Variants in PAK3 observed in about 807,000 individuals in gnomAD.
PAK3 encodes serine/threonine-protein kinase PAK 3.
A neutral mutation model predicts 41.0 loss-of-function variants in PAK3; 4 were observed. That is an observed-to-expected ratio of 0.10 (90% CI 0.05 to 0.22). The LOEUF is 0.22. PAK3 is among the 10% of genes least tolerant of loss of function. PAK3 has a pLI of 1.00. For missense variants in PAK3, 205 were observed against 409.9 expected, an observed-to-expected ratio of 0.50 and a Z score of 4.32; for synonymous variants, 146 against 139.6, an observed-to-expected ratio of 1.05 and a Z score of -0.32.
At chrX:111,016,565 C>T (rs914842379) in intron 1 of PAK3, among the ~76,000 whole-genome samples, 17 of 110,851 alleles carry the variant, frequency 1.5e-4, no homozygotes, top group African/African-American at 4.3e-4. Flanking sequence ...ATTTGTTTTG[C>T]GACCAGGAAG....
In PAK3 at chrX:111,057,524, C is replaced by T. The variant is rs925407739; in HGVS notation, c.-27-65553C>T. 4.5e-5 allele frequency among the ~76,000 whole-genome samples: 5 copies of T among 111,743 alleles called. No homozygotes were observed. In the Admixed American group the frequency reaches 4.7e-4, roughly 11 times the overall value. On this transcript the variant is annotated intron_variant, in intron 1 of 14. Coordinates refer to the PAK3 transcript ENST00000425146. ...CAGTTATTTTCACACAATATCTTAT[C>T]ATACCTACAAAAATTAACAATAATT...
chrX:111,087,952 A>G (rs1467812916), intron 1 of PAK3, among the ~76,000 whole-genome samples: 1 of 109,618 alleles, frequency 9.1e-6, no homozygotes, highest in Non-Finnish European at 1.9e-5. Context: ...GAATAACCAC[A>G]AGCCTGTGGA....
At chrX:110,962,639 G>T (rs186410371) in intron 1 of PAK3, among the ~76,000 whole-genome samples, 2 of 112,396 alleles carry the variant, frequency 1.8e-5, no homozygotes, top group African/African-American at 6.5e-5. Context: ...AGTGAAGTTG[G>T]GGGCAGCAGG....
chrX:111,189,501 C>T (rs1274163862), intron 11 of PAK3, among the ~76,000 whole-genome samples: 1 of 111,988 alleles, frequency 8.9e-6, no homozygotes, highest in African/African-American at 3.2e-5. Context: ...ACTCTCCAAA[C>T]TGCTTTCCAC....
At chrX:110,955,737 C>T (rs889934477) in intron 1 of PAK3, among the ~76,000 whole-genome samples, 6 of 112,253 alleles carry the variant, frequency 5.3e-5, no homozygotes, top group Non-Finnish European at 9.4e-5. Context: ...CACTTTGCCT[C>T]TTTAGGCCTC....
At position 110,980,439 on chromosome X, in the gene PAK3, C is replaced by T. The variant is rs190734328; in HGVS notation, c.-28+35811C>T. 5.5e-3 allele frequency among the ~76,000 whole-genome samples: 616 copies of T among 111,520 alleles called. 2 individuals are homozygous for T. Among genetic ancestry groups the T allele is most frequent in the Non-Finnish European group, 6.4e-3 (342 of 53,097 alleles). ...TGCATGACAACAGTTTGGGACCCAA[C>T]GGAGTAGTTCATTTTAAGGTCCATT... is the stretch of plus-strand genomic sequence containing the variant. On this transcript the variant is annotated intron_variant, in intron 1 of 14. Coordinates refer to the PAK3 transcript ENST00000425146.
intron 10 of PAK3, among the ~76,000 whole-genome samples, chrX:111,172,269 C>T (rs188026850): frequency 5.3e-4 from 59 of 111,957 alleles, no homozygotes; most frequent in African/African-American, 1.8e-3. Flanking sequence ...CCATTCTGAT[C>T]GGTCTGTAGT....
intron 1 of PAK3, among the ~76,000 whole-genome samples, chrX:111,028,001 G>GTGTGTGTGTGTATATATATACATATATA (rs780630460): frequency 1.0e-5 from 1 of 96,199 alleles, no homozygotes; most frequent in Non-Finnish European, 2.0e-5. Context: ...ATATGTGTGT[G>GTGTGTGTGTGTATATATATACATATATA]TGTGTATATA....
At chrX:111,039,846 G>T (rs964348065) in intron 1 of PAK3, among the ~76,000 whole-genome samples, 1 of 109,613 alleles carries the variant, frequency 9.1e-6, no homozygotes, top group Non-Finnish European at 1.9e-5. Flanking sequence ...AGAGGCCCAA[G>T]CTCAGAAGGG....
At chrX:111,002,373 G>A (rs931786706) in intron 1 of PAK3, among the ~76,000 whole-genome samples, 5 of 111,750 alleles carry the variant, frequency 4.5e-5, no homozygotes, top group African/African-American at 9.8e-5. Context: ...GTGTCCTTAC[G>A]TCTGTGCTAC....
Position 111,162,968 on chromosome X carries a change from A to G in PAK3, c.522A>G (p.Glu174=), listed in dbSNP as rs1054205122. The part of the protein sequence containing the change: ...PPLAPPVSEE[E]DEEEEEEEDE... ...TGGCCCCTCCTGTGTCTGAAGAAGA[A>G]GATGAAGAGGAAGAAGAAGAAGAAG... Residue 174 remains glutamate (E), a synonymous_variant, in exon 9 of 18, where the codon GAA becomes GAG. Coordinates refer to ENST00000372007, the MANE Select transcript of PAK3 (RefSeq NM_002578.5). 1 of 1,202,693 alleles carries G rather than the reference A, an allele frequency of 8.3e-7. No homozygotes were observed. The highest frequency in any genetic ancestry group is 1.8e-5 in the African/African-American group (1 of 56,999).
intron 11 of PAK3, among the ~76,000 whole-genome samples, chrX:111,187,151 A>G (rs1053326994): frequency 2.7e-5 from 3 of 112,377 alleles, no homozygotes; most frequent in African/African-American, 9.7e-5. Context: ...TTTAATCATC[A>G]TGTGATATCC....
chrX:111,215,301 G>A (rs958621052), intron 16 of PAK3, among the ~76,000 whole-genome samples: 2 of 111,651 alleles, frequency 1.8e-5, no homozygotes, highest in African/African-American at 6.5e-5. Context: ...GCTCACACCT[G>A]TAATCCCAGC....
intron 1 of PAK3, among the ~76,000 whole-genome samples, chrX:111,063,546 T>C (rs189454275): frequency 9.0e-6 from 1 of 111,480 alleles, no homozygotes; most frequent in East Asian, 2.8e-4. Flanking sequence ...AGTAGCCCCA[T>C]GCTTTGGATT....
At chrX:111,060,074 G>A (rs372862586) in intron 1 of PAK3, among the ~76,000 whole-genome samples, 7 of 111,119 alleles carry the variant, frequency 6.3e-5, no homozygotes, top group Non-Finnish European at 1.3e-4. Flanking sequence ...GTTTTTCATC[G>A]GTGTGCTTCA....
At chrX:111,081,459 T>A (rs768207299) in intron 1 of PAK3, among the ~76,000 whole-genome samples, 1 of 110,880 alleles carries the variant, frequency 9.0e-6, no homozygotes, top group East Asian at 2.9e-4. Flanking sequence ...GAGCTGTGAA[T>A]GAAACACTGC....
At chrX:111,161,327 T>TGATGGG (rs2094185070) in intron 8 of PAK3, among the ~76,000 whole-genome samples, 1 of 111,823 alleles carries the variant, frequency 8.9e-6, no homozygotes, top group Non-Finnish European at 1.9e-5. Context: ...GTTTTTTTCT[T>TGATGGG]GTAAATTTGT....
At chrX:111,129,452 G>A (rs999286074) in intron 5 of PAK3, among the ~76,000 whole-genome samples, 4 of 111,370 alleles carry the variant, frequency 3.6e-5, no homozygotes, top group Non-Finnish European at 5.7e-5. Flanking sequence ...GAAACCTGAA[G>A]GACATGGCAT....
At chrX:111,138,599 T>C (rs1006070353) in intron 5 of PAK3, among the ~76,000 whole-genome samples, 2 of 110,136 alleles carry the variant, frequency 1.8e-5, no homozygotes, top group Non-Finnish European at 3.8e-5. Context: ...CCCCATAAAT[T>C]TGGGGGAGAG....
Sources: gnomAD v4.1 joint callset for allele counts (sites outside exome capture counted in the v4.1 genomes callset) on GRCh38, gnomAD v4.1.1 for gene constraint, MANE v1.5 for transcripts, NCBI Gene and HGNC (gene_info 2026-07-23, HGNC 2026-07-21) for gene names.